The following EYS variants were observed in gnomAD, a reference collection of about 807,000 sequenced individuals.
EYS encodes protein eyes shut homolog.
A neutral mutation model predicts 282.1 loss-of-function variants in EYS; 250 were observed. The observed-to-expected ratio is 0.89, with a 90% confidence interval of 0.80 to 0.98. The LOEUF (loss-of-function observed/expected upper bound fraction) is 0.98. EYS is among the 50% of genes least tolerant of loss of function. The probability of loss-of-function intolerance (pLI) is 0.00; values close to 1 mark genes in which losing one functional copy is unlikely to be tolerated. For missense variants in EYS, 4,016 were observed against 3,709.0 expected, an observed-to-expected ratio of 1.08 and a Z score of -2.15; for synonymous variants, 1,355 against 1,282.9, an observed-to-expected ratio of 1.06 and a Z score of -1.20.
chr6:64,279,199 T>C (rs7747074), intron 30 of EYS, among the ~76,000 whole-genome samples: 114,442 of 152,070 alleles, frequency 0.75, 43,668 homozygotes, highest in African/African-American at 0.89. Context: ...TTTAAATAAA[T>C]ACAGTAAAAG....
chr6:65,564,721 C>A (rs897001469), intron 2 of EYS, among the ~76,000 whole-genome samples: 1 of 152,108 alleles, frequency 6.6e-6, no homozygotes, highest in South Asian at 2.1e-4. Context: ...TGGGCAAAGA[C>A]TTCACGACTT....
intron 12 of EYS, among the ~76,000 whole-genome samples, chr6:65,150,711 G>GTTCT (rs35216414): frequency 1 from 151,958 of 151,968 alleles, 75,974 homozygotes; most frequent in Middle Eastern, 1. Flanking sequence ...AGAGCATTTT[G>GTTCT]TTCTAATAGG....
At chr6:63,873,106 A>G (rs1235994738) in intron 35 of EYS, among the ~76,000 whole-genome samples, 1 of 151,714 alleles carries the variant, frequency 6.6e-6, no homozygotes, top group Non-Finnish European at 1.5e-5. Flanking sequence ...GCACCCATTA[A>G]CTCGACATTT....
intron 31 of EYS, among the ~76,000 whole-genome samples, chr6:64,191,276 A>G (rs1434788199): frequency 6.6e-6 from 1 of 151,708 alleles, no homozygotes; most frequent in Non-Finnish European, 1.5e-5. Flanking sequence ...CCATAGGGAA[A>G]TTTTCTTATA....
intron 2 of EYS, among the ~76,000 whole-genome samples, chr6:65,567,009 T>C (rs1311076836): frequency 6.6e-6 from 1 of 152,022 alleles, no homozygotes; most frequent in Non-Finnish European, 1.5e-5. Flanking sequence ...CAAGTGTTGG[T>C]AGATGGGGCC....
intron 31 of EYS, among the ~76,000 whole-genome samples, chr6:64,146,906 T>G (rs759663248): frequency 2.0e-5 from 3 of 152,210 alleles, no homozygotes; most frequent in Admixed American, 2.0e-4. Context: ...TATTTTTATT[T>G]CCATTTTTCT....
At chr6:65,274,334 T>C (rs1453739028) in intron 12 of EYS, among the ~76,000 whole-genome samples, 7 of 152,218 alleles carry the variant, frequency 4.6e-5, no homozygotes, top group Non-Finnish European at 7.3e-5. Context: ...ATTCAACTCC[T>C]CTATTTGATC....
At chr6:65,006,976 T>G (rs1360127629) in intron 13 of EYS, among the ~76,000 whole-genome samples, 1 of 152,194 alleles carries the variant, frequency 6.6e-6, no homozygotes, top group Admixed American at 6.5e-5. Context: ...ATGGGGCAGC[T>G]GGGTTGTTGT....
chr6:63,753,142 A>ATG lies in EYS; in HGVS notation c.8071+9318_8071+9319insCA, dbSNP rs1554166853. Among the ~76,000 whole-genome samples the ATG allele has an allele frequency of 2.0e-3, 16 of 8,150 alleles. No individual in the cohort carries two copies. In the South Asian group the frequency reaches 0.039, roughly 20 times the overall value. 5.3% of individuals were successfully genotyped at this position (8,150 alleles called of 152,430 possible). ...TATGTGTGTGTATGTGTGTGTGTGT[A>ATG]TATATATATATATATATATATATAT... On this transcript the variant is annotated intron_variant, in intron 41 of 42. Transcript: ENST00000503581.
intron 18 of EYS, among the ~76,000 whole-genome samples, chr6:64,888,662 A>T (rs970197485): frequency 6.6e-6 from 1 of 151,928 alleles, no homozygotes; most frequent in Non-Finnish European, 1.5e-5. Context: ...TAACTTCTTG[A>T]ATTTTTGTTC....
chr6:64,278,085 G>C (rs1166949753), intron 30 of EYS, among the ~76,000 whole-genome samples: 1 of 152,142 alleles, frequency 6.6e-6, no homozygotes, highest in Non-Finnish European at 1.5e-5. Flanking sequence ...TAGTGGGAGA[G>C]TTCAGCATTA....
At chr6:64,205,975 C>T (rs1232221558) in intron 31 of EYS, among the ~76,000 whole-genome samples, 4 of 151,978 alleles carry the variant, frequency 2.6e-5, no homozygotes, top group Non-Finnish European at 5.9e-5. Context: ...CATTAGTAGG[C>T]ATTTTACTTG....
At chr6:64,069,211 T>C (rs1771482420) in intron 32 of EYS, among the ~76,000 whole-genome samples, 1 of 152,134 alleles carries the variant, frequency 6.6e-6, no homozygotes, top group Non-Finnish European at 1.5e-5. Flanking sequence ...AAATTTCTAT[T>C]GTTTTAATGG....
chr6:64,023,868 C>G (rs1042190531), intron 33 of EYS, among the ~76,000 whole-genome samples: 3 of 152,196 alleles, frequency 2.0e-5, no homozygotes, highest in Non-Finnish European at 2.9e-5. Context: ...GCCCCGCACT[C>G]GTAGTGGCCG....
intron 11 of EYS, among the ~76,000 whole-genome samples, chr6:65,326,800 G>A (rs1158036160): frequency 2.0e-5 from 3 of 150,106 alleles, no homozygotes; most frequent in African/African-American, 7.3e-5. Context: ...TTATCTTTTG[G>A]GTTACTATTG....
chr6:64,462,617 C>T (rs1405069566), intron 26 of EYS, among the ~76,000 whole-genome samples: 1 of 151,964 alleles, frequency 6.6e-6, no homozygotes, highest in Admixed American at 6.6e-5. Flanking sequence ...TCATGCTTCA[C>T]CAGTTTTCTC....
At chr6:65,569,879 G>T (rs1002147456) in intron 2 of EYS, among the ~76,000 whole-genome samples, 3 of 152,122 alleles carry the variant, frequency 2.0e-5, no homozygotes, top group African/African-American at 7.2e-5. Flanking sequence ...AGACTGCTCT[G>T]TGTGAATTAA....
chr6:65,169,450 C>A (rs1765052933), intron 12 of EYS, among the ~76,000 whole-genome samples: 1 of 151,388 alleles, frequency 6.6e-6, no homozygotes, highest in African/African-American at 2.4e-5. Context: ...GTATTACGTT[C>A]TATTTTTAAA....
intron 30 of EYS, among the ~76,000 whole-genome samples, chr6:64,242,789 C>A (rs1353085650): frequency 6.7e-6 from 1 of 149,254 alleles, no homozygotes; most frequent in Non-Finnish European, 1.5e-5. Context: ...TAAAATCTCA[C>A]ATTTTTCATC....
Sources: gnomAD v4.1 joint callset for allele counts (sites outside exome capture counted in the v4.1 genomes callset) on GRCh38, gnomAD v4.1.1 for gene constraint, MANE v1.5 for transcripts, NCBI Gene and HGNC (gene_info 2026-07-23, HGNC 2026-07-21) for gene names.